The following MGAM variants were observed in gnomAD, a reference collection of about 807,000 sequenced individuals.
The protein encoded by MGAM is maltase-glucoamylase.
A neutral mutation model predicts 358.8 loss-of-function variants in MGAM; 253 were observed. The ratio of observed to expected loss-of-function variants is 0.71; its 90% CI spans 0.64 to 0.78. The LOEUF is 0.78. Ranked by LOEUF, MGAM falls within the 30% of genes least tolerant of loss-of-function variation. The pLI, the probability that MGAM is intolerant of heterozygous loss-of-function variation, is 0.00. For synonymous variants in MGAM, 1,105 were observed against 1,227.1 expected (o/e 0.90, Z 2.08); for missense variants, 3,080 against 3,432.6 (o/e 0.90, Z 2.57).
At chr7:142,032,795 T>C (rs1584950716) in intron 13 of MGAM, 30 bp from the exon 14 acceptor site, 1 of 1,428,430 alleles carries the variant, frequency 7.0e-7, no homozygotes, top group African/African-American at 1.4e-5. Flanking sequence ...TGTTACTTTT[T>C]CTTAATAGTT....
chr7:141,992,219 A>G (rs1197175921), upstream of MGAM, among the ~76,000 whole-genome samples: 1 of 152,212 alleles, frequency 6.6e-6, no homozygotes, highest in Non-Finnish European at 1.5e-5. Context: ...TGTCTAGTTT[A>G]TAAATTTATT....
At chr7:141,990,298 A>G (rs1275408808) in intron 2 of MGAM, among the ~76,000 whole-genome samples, 2 of 152,164 alleles carry the variant, frequency 1.3e-5, no homozygotes, top group Admixed American at 6.5e-5. Context: ...CCCTCCTCAT[A>G]TCTACACAAC....
At chr7:142,009,409 T>C (rs1554453653) in intron 3 of MGAM, among the ~76,000 whole-genome samples, 1 of 152,126 alleles carries the variant, frequency 6.6e-6, no homozygotes, top group African/African-American at 2.4e-5. Flanking sequence ...TTGTGCAAGT[T>C]ACTCAATAGC....
chr7:142,016,831 G>A (rs1412867414), intron 3 of MGAM, among the ~76,000 whole-genome samples: 2 of 152,096 alleles, frequency 1.3e-5, no homozygotes, highest in Admixed American at 6.6e-5. Flanking sequence ...GACCTCGAGT[G>A]ATCTGCCTGC....
chr7:142,019,863 G>A (rs1554457805), intron 4 of MGAM, among the ~76,000 whole-genome samples: 1 of 152,148 alleles, frequency 6.6e-6, no homozygotes, highest in African/African-American at 2.4e-5. Context: ...GAGCTCAGGA[G>A]TTTGAGACTA....
At chr7:142,052,231 C>A in intron 24 of MGAM, 63 bp from the exon 25 acceptor site, 4 of 1,396,192 alleles carry the variant, frequency 2.9e-6, no homozygotes, top group African/African-American at 2.9e-5. Context: ...AAAAAAAAAC[C>A]TCAGGTCTTG....
chr7:142,098,476 C>A (rs1313815911), intron 66 of MGAM, among the ~76,000 whole-genome samples: 2 of 152,056 alleles, frequency 1.3e-5, no homozygotes, highest in Non-Finnish European at 1.5e-5. Context: ...ATACAGGAAG[C>A]AGAGCATGTG....
chr7:142,020,735 A>C (rs1352403168), intron 4 of MGAM, among the ~76,000 whole-genome samples: 2 of 151,610 alleles, frequency 1.3e-5, no homozygotes, highest in Admixed American at 6.6e-5. Context: ...CTGGGATTAC[A>C]GGCATGCACC....
intron 26 of MGAM, 71 bp from the exon 27 acceptor site, chr7:142,054,683 A>G (rs1811314620): frequency 7.3e-6 from 11 of 1,505,668 alleles, no homozygotes; most frequent in Non-Finnish European, 4.5e-6. Context: ...TCCAAAAATC[A>G]AAAAGGTTCT....
chr7:142,029,421 G>T (rs1807264637), intron 10 of MGAM, among the ~76,000 whole-genome samples: 1 of 152,044 alleles, frequency 6.6e-6, no homozygotes, highest in Non-Finnish European at 1.5e-5. Context: ...AAAACTAGGG[G>T]AACTAGTTTT....
In MGAM at chr7:142,082,538, C is replaced by G. The variant is rs749224362; in HGVS notation, c.6235C>G (p.His2079Asp). The G allele has an allele frequency of 1.3e-5, 20 of 1,530,296 alleles. 2 individuals are homozygous for G. The highest frequency in any genetic ancestry group is 1.8e-5 in the Non-Finnish European group (20 of 1,119,688). 94.8% of individuals were successfully genotyped at this position (1,530,296 alleles called of 1,614,324 possible). A position where few individuals can be genotyped will look rare whatever the true frequency, so the allele number is the denominator to read the frequency against. The change falls in exon 52 of 71, where the codon CAT becomes GAT. Residue 2079 changes from histidine to aspartate, a missense_variant. His to Asp is a moderately conservative substitution (Grantham distance 81). Transcript: ENST00000475668. ...YMGLEEDGSA[H>D]GVLLLNSNAM... is the part of the protein sequence containing the mutation. ...GGGGCTAGAGGAGGATGGCAGTGCCCATGGAGTGCTCCTGCTGAACAGCAA... is the reference window on the plus strand; with the variant it reads ...GGGGCTAGAGGAGGATGGCAGTGCCGATGGAGTGCTCCTGCTGAACAGCAA...
chr7:142,005,545 G>A lies in MGAM; in HGVS notation c.15G>A (p.Lys5=). The change falls in exon 2 of 71, where the codon AAG becomes AAA. Residue 5 remains lysine (K), a synonymous_variant. Transcript: ENST00000475668. Reference sequence around the variant, plus strand: ...ACATTTTAGAGATGGCAAGAAAGAAGCTGAAAAAATTTACTACTTTGGAGA... The same window carrying A: ...ACATTTTAGAGATGGCAAGAAAGAAACTGAAAAAATTTACTACTTTGGAGA... The part of the protein sequence containing the change: MARK[K]LKKFTTLEIV... 6.4e-7 allele frequency: 1 copy of A among 1,553,086 alleles called. No individual in the cohort carries two copies.
rs752575080 is a variant in MGAM at position 142,097,559 on chromosome 7, G to T, written c.7693-34G>T. The stretch of plus-strand genomic sequence containing the variant: ...TGGTTTCTCTGTCCTGGAAAATGGT[G>T]CCACTGCCACACCTTGTTTATGTTT... On this transcript the variant is annotated intron_variant, in intron 65 of 70. Coordinates refer to ENST00000475668, the MANE Select transcript of MGAM (RefSeq NM_001365693.1). The T allele has an allele frequency of 5.0e-6, 8 of 1,592,764 alleles. No homozygotes were observed. The African/African-American group carries it at 9.4e-5, about 19-fold the overall frequency.
intron 59 of MGAM, 122 bp from the exon 60 acceptor site, chr7:142,093,290 A>T: frequency 7.8e-7 from 1 of 1,274,800 alleles, no homozygotes. Context: ...CTCTGGGAAG[A>T]CGGAGAGTGA....
intron 6 of MGAM, 36 bp downstream of exon 6, chr7:142,021,773 G>C: frequency 6.2e-7 from 1 of 1,608,480 alleles, no homozygotes; most frequent in Non-Finnish European, 8.5e-7. Context: ...ATCAGAGTAG[G>C]AAGGTTACAG....
rs147255580 is a variant in MGAM, at chr7:142,080,886, C to T, written c.5943C>T (p.Val1981=). ...SSTPEGQLYD[V]LIKKNPFGIE... Reference sequence around the variant, plus strand: ...CCCCTGAGGGTCAACTCTATGATGTCCTCATTAAGAAGAATCCATTTGGGA... The same window carrying T: ...CCCCTGAGGGTCAACTCTATGATGTTCTCATTAAGAAGAATCCATTTGGGA... The change falls in exon 50 of 71, where the codon GTC becomes GTT. Residue 1981 remains valine (V), a synonymous_variant. Transcript: ENST00000475668. 8 of 1,556,272 alleles carry T rather than the reference C, an allele frequency of 5.1e-6. 1 individual carries two copies. The highest frequency in any genetic ancestry group is 1.7e-5 in the Admixed American group (1 of 58,520).
intron 68 of MGAM, among the ~76,000 whole-genome samples, chr7:142,101,252 T>C (rs1225183763): frequency 6.6e-6 from 1 of 152,138 alleles, no homozygotes; most frequent in Non-Finnish European, 1.5e-5. Flanking sequence ...AATACCTCTA[T>C]CCGTTGTATT....
Position 142,040,783 on chromosome 7 carries a change from G to C in MGAM, c.2435G>C (p.Gly812Ala). 6.2e-7 allele frequency: 1 copy of C among 1,613,242 alleles called. No homozygotes were observed. The highest frequency in any genetic ancestry group is 1.1e-5 in the South Asian group (1 of 91,014). Residue 812 changes from glycine (G) to alanine (A), a missense_variant, in exon 21 of 71, where the codon GGA becomes GCA. Physicochemically the swap from Gly to Ala is moderately conservative, Grantham distance 60. Around this residue, in one of 5 missense-constraint regions of MGAM, gnomAD observed 1,816 missense variants for 1,840.5 expected, o/e 0.99. Coordinates refer to ENST00000475668, the MANE Select transcript of MGAM (RefSeq NM_001365693.1). ...ATGGAACTTCCTGGAGACAAAATTG[G>C]ACTTCACCTTCGAGGAGGCTACATC... ...VEMELPGDKI[G>A]LHLRGGYIFP... is the part of the protein sequence containing the mutation.
chr7:142,088,656 G>A lies in MGAM; in HGVS notation c.6810+1939G>A, dbSNP rs866575138. Among the ~76,000 whole-genome samples the A allele has an allele frequency of 1.9e-3, 244 of 125,848 alleles. 26 individuals are homozygous for A. The highest frequency in any genetic ancestry group is 2.6e-3 in the Admixed American group (32 of 12,188). 82.6% of individuals were successfully genotyped at this position (125,848 alleles called of 152,430 possible). On this transcript the variant is annotated intron_variant, in intron 57 of 70. Coordinates refer to ENST00000475668, the MANE Select transcript of MGAM (RefSeq NM_001365693.1). ...GTTATATCTATCTTTCTATCTGTCT[G>A]TCTATCTATCTATCTATCTATCTAT... is the stretch of plus-strand genomic sequence containing the variant.
Sources: allele counts gnomAD v4.1 joint callset (sites outside exome capture counted in the v4.1 genomes callset), GRCh38; gene constraint gnomAD v4.1.1; regional missense constraint gnomAD v4.1.1; transcripts MANE v1.5; gene names NCBI Gene and HGNC (gene_info 2026-07-23, HGNC 2026-07-21).